Variants in GALNT14 observed in about 807,000 individuals in gnomAD.
GALNT14 encodes UDP-GalNAc:polypeptide N-acetylgalactosaminyltransferase 14.
In GALNT14, 60 loss-of-function variants were observed where a neutral mutation model predicts 77.5. The ratio of observed to expected loss-of-function variants is 0.77; its 90% CI spans 0.63 to 0.96. The LOEUF (loss-of-function observed/expected upper bound fraction) is 0.96. GALNT14 is among the 40% of genes least tolerant of loss of function. The pLI is 0.00. For missense variants in GALNT14, 710 were observed against 731.0 expected (o/e 0.97, Z 0.33); for synonymous variants, 280 against 281.7 (o/e 0.99, Z 0.06).
intron 13 of GALNT14, among the ~76,000 whole-genome samples, chr2:30,923,043 T>C (rs574902943): frequency 6.8e-5 from 10 of 147,678 alleles, no homozygotes; most frequent in South Asian, 2.2e-4. Context: ...AAGGAAGCCA[T>C]AGACAAACGT....
chr2:31,093,860 C>A (rs1333688538), intron 1 of GALNT14, among the ~76,000 whole-genome samples: 1 of 152,156 alleles, frequency 6.6e-6, no homozygotes, highest in Non-Finnish European at 1.5e-5. Flanking sequence ...TCTTCCAAGT[C>A]CTACACTGAA....
At chr2:30,943,098 A>T (rs2148283289) in intron 8 of GALNT14, among the ~76,000 whole-genome samples, 1 of 152,312 alleles carries the variant, frequency 6.6e-6, no homozygotes, top group East Asian at 1.9e-4. Flanking sequence ...CCCTGTGGAC[A>T]CCTTAATCTC....
chr2:30,977,178 C>T (rs1668684537), intron 2 of GALNT14, among the ~76,000 whole-genome samples: 1 of 151,414 alleles, frequency 6.6e-6, no homozygotes, highest in African/African-American at 2.4e-5. Context: ...CAACCTCTGC[C>T]TCCGGCGTTC....
In GALNT14 at chr2:31,074,067, G is replaced by T. The variant is rs148347898; in HGVS notation, c.129+63891C>A. ...CTGCCTGTGAGTTGAGGAGTTAGAA[G>T]AGGTAAATGTGGATGAGAAATGGCC... On this transcript the variant is annotated intron_variant, in intron 1 of 14. Transcript: ENST00000349752. Among the ~76,000 whole-genome samples the T allele has an allele frequency of 1.2e-3, 181 of 152,294 alleles. 3 individuals are homozygous for T. The highest frequency in any genetic ancestry group is 3.4e-4 in the Non-Finnish European group (23 of 68,022).
intron 4 of GALNT14, among the ~76,000 whole-genome samples, chr2:30,956,988 A>C (rs1667409573): frequency 6.6e-6 from 1 of 152,118 alleles, no homozygotes. Flanking sequence ...CTTCTCCACC[A>C]TACAGGAAAC....
rs1016478325 is a variant in GALNT14, at chr2:30,949,230, G to C, written c.655-3360C>G. Among the ~76,000 whole-genome samples, 5 of 152,222 alleles carry C rather than the reference G, an allele frequency of 3.3e-5. No homozygotes were observed. The East Asian group carries it at 5.8e-4, about 18-fold the overall frequency. ...ATTCCTCAGCTCTGGCCCAAAGCCT[G>C]GTGGGCAGCAGGTGTTCAATCTGTG... is the stretch of plus-strand genomic sequence containing the variant. On this transcript the variant is annotated intron_variant, in intron 6 of 14. Coordinates refer to ENST00000349752, the MANE Select transcript of GALNT14 (RefSeq NM_024572.4).
At chr2:30,927,493 G>C (rs181527321) in intron 11 of GALNT14, among the ~76,000 whole-genome samples, 101 of 152,358 alleles carry the variant, frequency 6.6e-4, no homozygotes, top group Non-Finnish European at 6.8e-4. Flanking sequence ...AATCCAGGCA[G>C]TGGGAACTCG....
intron 1 of GALNT14, among the ~76,000 whole-genome samples, chr2:31,127,101 A>G (rs902987147): frequency 2.6e-5 from 4 of 152,200 alleles, no homozygotes; most frequent in Non-Finnish European, 4.4e-5. Flanking sequence ...TACTCAAGGA[A>G]TTTCACAAGG....
At chr2:31,114,633 C>G (rs575512344) in intron 1 of GALNT14, 1 of 633,620 alleles carries the variant, frequency 1.6e-6, no homozygotes, top group Non-Finnish European at 2.9e-6. Context: ...AAAGAAATTT[C>G]GAGAACAGAC....
At chr2:30,916,724 G>A (rs115872726) in intron 13 of GALNT14, among the ~76,000 whole-genome samples, 3,219 of 152,266 alleles carry the variant, frequency 0.021, 137 homozygotes, top group African/African-American at 0.073. Context: ...ACAGCACCCA[G>A]CCTGGGGCTT....
chr2:31,061,268 C>T (rs139389097), intron 1 of GALNT14, among the ~76,000 whole-genome samples: 2 of 152,328 alleles, frequency 1.3e-5, no homozygotes, highest in African/African-American at 4.8e-5. Flanking sequence ...TTCCTGTCTC[C>T]ATCCAGCTTC....
chr2:31,071,073 G>A (rs1208693517), intron 1 of GALNT14, among the ~76,000 whole-genome samples: 1 of 152,186 alleles, frequency 6.6e-6, no homozygotes, highest in Non-Finnish European at 1.5e-5. Context: ...GCAGAAAAAT[G>A]ACAGAATGGA....
downstream of GALNT14, among the ~76,000 whole-genome samples, chr2:30,909,749 A>T (rs896802137): frequency 6.6e-6 from 1 of 152,092 alleles, no homozygotes; most frequent in African/African-American, 2.4e-5. Flanking sequence ...TGCTATAAAG[A>T]CACATGCACA....
chr2:31,082,892 C>A (rs1334564821), intron 1 of GALNT14, among the ~76,000 whole-genome samples: 1 of 152,090 alleles, frequency 6.6e-6, no homozygotes, highest in Non-Finnish European at 1.5e-5. Flanking sequence ...ATGGCACACG[C>A]CTGTAGTTCC....
chr2:30,954,508 G>A (rs751436772), intron 6 of GALNT14, among the ~76,000 whole-genome samples: 2 of 152,264 alleles, frequency 1.3e-5, no homozygotes, highest in South Asian at 4.1e-4. Context: ...AGTGGAAGAC[G>A]AGCCATCCCA....
chr2:30,924,139 C>T lies in GALNT14; in HGVS notation c.1360G>A (p.Gly454Ser), dbSNP rs750951954. The T allele has an allele frequency of 6.2e-7, 1 of 1,614,226 alleles. No homozygotes were observed. Among genetic ancestry groups the T allele is most frequent in the Non-Finnish European group, 8.5e-7 (1 of 1,180,040 alleles). The change falls in exon 13 of 15, where the codon GGC (glycine) becomes AGC (serine). Residue 454 changes from glycine to serine, a missense_variant. Gly to Ser is a moderately conservative substitution (Grantham distance 56). Coordinates refer to ENST00000349752, the MANE Select transcript of GALNT14 (RefSeq NM_024572.4). ...TTTACCTGGGACTTTGCATCTTCGC[C>T]TTTGACCTTGGCACAGGGGCTCAAC... ...LKLSPCAKVK[G>S]EDAKSQVWAF...
At chr2:30,996,198 T>C (rs578079265) in intron 1 of GALNT14, among the ~76,000 whole-genome samples, 90 of 152,054 alleles carry the variant, frequency 5.9e-4, no homozygotes, top group African/African-American at 2.0e-3. Context: ...AATTGACAAA[T>C]AAAATGAACC....
intron 9 of GALNT14, among the ~76,000 whole-genome samples, chr2:30,940,568 C>T (rs1666318058): frequency 6.6e-6 from 1 of 152,216 alleles, no homozygotes; most frequent in Admixed American, 6.5e-5. Context: ...GATTGGATGG[C>T]TGCTGTCTAT....
At chr2:30,951,511 G>A (rs778931901) in intron 6 of GALNT14, among the ~76,000 whole-genome samples, 7 of 152,196 alleles carry the variant, frequency 4.6e-5, no homozygotes, top group Admixed American at 6.5e-5. Context: ...TCCTTTTGGG[G>A]TGATGAAAAC....
Sources: allele counts gnomAD v4.1 joint callset (sites outside exome capture counted in the v4.1 genomes callset), GRCh38; gene constraint gnomAD v4.1.1; transcripts MANE v1.5; gene names NCBI Gene and HGNC (gene_info 2026-07-23, HGNC 2026-07-21).